The following HDAC9 variants were observed in gnomAD, a reference collection of about 807,000 sequenced individuals.
HDAC9 encodes MEF-2 interacting transcription repressor (MITR) protein.
HDAC9 carries 41 observed loss-of-function variants against 139.4 expected under a neutral mutation model. The ratio of observed to expected loss-of-function variants is 0.29; its 90% confidence interval spans 0.23 to 0.38. The LOEUF (loss-of-function observed/expected upper bound fraction) is 0.38, where lower values mean the gene tolerates loss of function less well. Ranked by LOEUF, HDAC9 falls within the 10% of genes least tolerant of loss-of-function variation. The pLI is 1.00. For missense variants in HDAC9, 1,147 were observed against 1,297.0 expected, an observed-to-expected ratio of 0.88 and a Z score of 1.78; for synonymous variants, 517 against 476.2, an observed-to-expected ratio of 1.09 and a Z score of -1.12.
At chr7:18,939,742 C>A (rs189397749) in intron 23 of HDAC9, among the ~76,000 whole-genome samples, 1 of 152,096 alleles carries the variant, frequency 6.6e-6, no homozygotes, top group Non-Finnish European at 1.5e-5. Context: ...TTTCAGATTG[C>A]GATTTCAAAT....
chr7:18,462,216 A>G (rs911586723), intron 1 of HDAC9, among the ~76,000 whole-genome samples: 58 of 152,170 alleles, frequency 3.8e-4, no homozygotes, highest in Non-Finnish European at 6.9e-4. Context: ...ACCCGCCAGT[A>G]TTTGATCTCT....
chr7:18,770,414 A>G (rs991100818), intron 16 of HDAC9, among the ~76,000 whole-genome samples: 3 of 152,114 alleles, frequency 2.0e-5, no homozygotes, highest in African/African-American at 7.2e-5. Flanking sequence ...GGATCTCTTC[A>G]GTTCTCACTC....
At chr7:18,448,814 T>C (rs925022029) in intron 1 of HDAC9, among the ~76,000 whole-genome samples, 2 of 152,132 alleles carry the variant, frequency 1.3e-5, no homozygotes, top group African/African-American at 4.8e-5. Flanking sequence ...ACTGCAAGGC[T>C]CCTGAAATTC....
chr7:18,634,833 T>A, intron 8 of HDAC9, 91 bp downstream of exon 8: 1 of 749,312 alleles, frequency 1.3e-6, no homozygotes, highest in Admixed American at 2.5e-5. Flanking sequence ...ACCTTCAATA[T>A]CCAAATGATA....
At chr7:18,829,671 T>C (rs1795717734) in intron 19 of HDAC9, 123 bp downstream of exon 19, 1 of 627,280 alleles carries the variant, frequency 1.6e-6, no homozygotes, top group Admixed American at 3.2e-5. Context: ...GTGTTTTCCT[T>C]TGAATGTGGA....
intron 2 of HDAC9, among the ~76,000 whole-genome samples, chr7:18,163,457 A>G (rs1227028245): frequency 6.6e-6 from 1 of 152,206 alleles, no homozygotes; most frequent in Non-Finnish European, 1.5e-5. Flanking sequence ...AGAGTTTGTT[A>G]AAACAAGCCC....
chr7:18,444,047 G>A (rs532144043), intron 1 of HDAC9, among the ~76,000 whole-genome samples: 1 of 151,834 alleles, frequency 6.6e-6, no homozygotes, highest in African/African-American at 2.4e-5. Context: ...TACTAACAAA[G>A]GTGATTTGCA....
chr7:18,133,932 G>GCACACACACA (rs112343375), intron 1 of HDAC9, among the ~76,000 whole-genome samples: 63 of 145,908 alleles, frequency 4.3e-4, no homozygotes, highest in African/African-American at 1.5e-3. Flanking sequence ...ATACACGCGT[G>GCACACACACA]CACACACACA....
rs1191150421 is a variant in HDAC9, at chr7:18,812,636, C to CT, written c.2323-16516dup. 4.0e-5 allele frequency among the ~76,000 whole-genome samples: 6 copies of CT among 150,926 alleles called. 1 individual carries two copies. Among genetic ancestry groups the CT allele is most frequent in the African/African-American group, 9.7e-5 (4 of 41,228 alleles). On this transcript the variant is annotated intron_variant, in intron 17 of 25. Coordinates refer to ENST00000686413, the MANE Select transcript of HDAC9 (RefSeq NM_178425.4). Reference sequence around the variant, plus strand: ...AGTTTAATGATTAGGTAGAATTCCTCTTTTTTTTTCCGGTTGAAGTACATT... The same window carrying CT: ...AGTTTAATGATTAGGTAGAATTCCTCTTTTTTTTTTCCGGTTGAAGTACATT...
chr7:18,489,935 C>T (rs940645857), intron 1 of HDAC9, among the ~76,000 whole-genome samples: 1 of 151,986 alleles, frequency 6.6e-6, no homozygotes, highest in African/African-American at 2.4e-5. Context: ...ACATGCCCAT[C>T]ATCTTAAGAG....
chr7:18,858,900 G>A (rs568002384), intron 21 of HDAC9, among the ~76,000 whole-genome samples: 17 of 152,254 alleles, frequency 1.1e-4, no homozygotes, highest in African/African-American at 4.1e-4. Context: ...AAACACTGAA[G>A]TGATTGCTTC....
rs1784522896 is a variant in HDAC9 at position 18,370,611 on chromosome 7, C to A, written c.-42+80096C>A. On this transcript the variant is annotated intron_variant, in intron 1 of 3. Coordinates refer to the HDAC9 transcript ENST00000413509. ...AATCATAAGTGTGAGGCAATTGGAT[C>A]ATTGTGCTCTGTAAGGAGCATATTC... 4.6e-5 allele frequency among the ~76,000 whole-genome samples: 7 copies of A among 152,152 alleles called. No individual in the cohort carries two copies. The South Asian group carries it at 1.4e-3, about 31-fold the overall frequency.
At chr7:18,578,730 G>A (rs911390640) in intron 2 of HDAC9, among the ~76,000 whole-genome samples, 2 of 152,152 alleles carry the variant, frequency 1.3e-5, no homozygotes, top group Admixed American at 6.5e-5. Flanking sequence ...TCTTCAGGGC[G>A]GGTTAGTATT....
intron 2 of HDAC9, among the ~76,000 whole-genome samples, chr7:18,260,292 G>A (rs1463053273): frequency 6.8e-6 from 1 of 147,604 alleles, no homozygotes; most frequent in Non-Finnish European, 1.5e-5. Flanking sequence ...TGCTAATTCT[G>A]TGACAGACAC....
intron 2 of HDAC9, among the ~76,000 whole-genome samples, chr7:18,176,678 A>G (rs1321398251): frequency 6.6e-6 from 1 of 152,208 alleles, no homozygotes; most frequent in African/African-American, 2.4e-5. Flanking sequence ...GTTCAGAGGT[A>G]CATGTGCAGA....
intron 25 of HDAC9, among the ~76,000 whole-genome samples, chr7:18,977,377 G>T (rs1402116304): frequency 6.6e-6 from 1 of 152,100 alleles, no homozygotes; most frequent in East Asian, 1.9e-4. Context: ...CTATTCTTTA[G>T]AATTTAATAT....
chr7:18,188,895 G>A (rs1265498849), intron 2 of HDAC9, among the ~76,000 whole-genome samples: 2 of 152,144 alleles, frequency 1.3e-5, no homozygotes, highest in East Asian at 3.8e-4. Flanking sequence ...ACTGTTGGTG[G>A]GGATGAAAAT....
chr7:18,637,851 G>C (rs1481384538), intron 8 of HDAC9, among the ~76,000 whole-genome samples: 1 of 151,942 alleles, frequency 6.6e-6, no homozygotes, highest in Non-Finnish European at 1.5e-5. Context: ...GCGGAATTTA[G>C]ACTAAGACTG....
At chr7:18,180,739 A>G (rs764545599) in intron 2 of HDAC9, among the ~76,000 whole-genome samples, 4 of 152,170 alleles carry the variant, frequency 2.6e-5, no homozygotes, top group African/African-American at 9.7e-5. Context: ...TGCTGTAACA[A>G]ATTACCACAA....
Sources: allele counts gnomAD v4.1 joint callset (sites outside exome capture counted in the v4.1 genomes callset), GRCh38; gene constraint gnomAD v4.1.1; transcripts MANE v1.5; gene names NCBI Gene and HGNC (gene_info 2026-07-23, HGNC 2026-07-21).